Variants in HEPH observed in about 807,000 individuals in gnomAD.
HEPH encodes the protein hephaestin.
Under a neutral mutation model 80.8 loss-of-function variants are expected in HEPH, and 69 were observed. The ratio of observed to expected loss-of-function variants is 0.85; its 90% CI spans 0.70 to 1.04. The LOEUF (loss-of-function observed/expected upper bound fraction) is 1.04. HEPH is among the 50% of genes least tolerant of loss of function. The pLI is 0.00. For synonymous variants in HEPH, 431 were observed against 322.8 expected, an observed-to-expected ratio of 1.34 and a Z score of -3.60; for missense variants, 1,115 against 891.3, an observed-to-expected ratio of 1.25 and a Z score of -3.20.
chrX:66,267,613 G>A (rs1324062691), downstream of HEPH: 3 of 111,450 alleles, frequency 2.7e-5, no homozygotes, highest in East Asian at 8.5e-4. Flanking sequence ...AATTTTCTGA[G>A]TGTCAAGAAA....
At chrX:66,230,356 C>G (rs1445310980) in intron 15 of HEPH, among the ~76,000 whole-genome samples, 3 of 100,650 alleles carry the variant, frequency 3.0e-5, no homozygotes, top group Non-Finnish European at 5.8e-5. Flanking sequence ...GCCACACTGA[C>G]TTCCACAATG....
chrX:66,264,410 TTTATTCTTG>T (rs2148250740), intron 20 of HEPH, among the ~76,000 whole-genome samples: 1 of 109,248 alleles, frequency 9.2e-6, no homozygotes, highest in Admixed American at 9.9e-5. Context: ...AACAGCTATT[TTTATTCTTG>T]CCTCTTTCCC....
At chrX:66,223,105 G>A (rs2089722247) in intron 15 of HEPH, among the ~76,000 whole-genome samples, 1 of 110,926 alleles carries the variant, frequency 9.0e-6, no homozygotes, top group Admixed American at 9.6e-5. Context: ...GCTGGCTAGA[G>A]TTTTTCTTCT....
At chrX:66,212,182 ATG>A (rs1232201708) in intron 15 of HEPH, among the ~76,000 whole-genome samples, 1 of 74,368 alleles carries the variant, frequency 1.3e-5, no homozygotes, top group Non-Finnish European at 2.3e-5. Flanking sequence ...CCACTTTTTA[ATG>A]TGTTTTTTTT....
intron 15 of HEPH, among the ~76,000 whole-genome samples, chrX:66,236,726 A>T (rs1406359859): frequency 9.0e-6 from 1 of 111,128 alleles, no homozygotes; most frequent in Non-Finnish European, 1.9e-5. Flanking sequence ...TTGGGTTGTG[A>T]ATCTGTCTGG....
In HEPH at chrX:66,192,268, G is replaced by A; in HGVS notation, c.1202G>A (p.Ser401Asn). 2 of 1,209,784 alleles carry A rather than the reference G, an allele frequency of 1.7e-6. No homozygotes were observed. Among genetic ancestry groups the A allele is most frequent in the Non-Finnish European group, 2.2e-6 (2 of 894,172 alleles). Residue 401 changes from serine (S) to asparagine (N), a missense_variant, in exon 7 of 21, where the codon AGT becomes AAT. This residue lies in a region of HEPH where 391 missense variants were observed against 343.6 expected (regional missense o/e 1.14). Transcript: ENST00000343002. Reference sequence around the variant, plus strand: ...TATGGCCCGATGGGGCATGATGGGAGTACTGGGAAGAATTTGAGAGAGCCA... The same window carrying A: ...TATGGCCCGATGGGGCATGATGGGAATACTGGGAAGAATTTGAGAGAGCCA... ...WDYGPMGHDG[S>N]TGKNLREPGS...
intron 9 of HEPH, 100 bp from the exon 10 acceptor site, chrX:66,197,583 C>T (rs959269826): frequency 1.5e-6 from 1 of 681,845 alleles, no homozygotes; most frequent in Non-Finnish European, 2.3e-6. Flanking sequence ...TACTGCTGCT[C>T]CAAAATGCCT....
chrX:66,250,119 A>G (rs1376543919), intron 15 of HEPH, among the ~76,000 whole-genome samples: 1 of 111,359 alleles, frequency 9.0e-6, no homozygotes, highest in Non-Finnish European at 1.9e-5. Context: ...GTAATTCTAC[A>G]TGGTTTTTTT....
intron 15 of HEPH, among the ~76,000 whole-genome samples, chrX:66,218,743 C>T (rs1569351418): frequency 9.0e-6 from 1 of 110,745 alleles, no homozygotes; most frequent in Non-Finnish European, 1.9e-5. Flanking sequence ...ATTGAGCAAG[C>T]AGGGGGTACG....
At chrX:66,249,699 G>A (rs2090938981) in intron 15 of HEPH, among the ~76,000 whole-genome samples, 1 of 111,896 alleles carries the variant, frequency 8.9e-6, no homozygotes, top group Non-Finnish European at 1.9e-5. Flanking sequence ...CCCAACTTTA[G>A]TGGACATGAC....
Position 66,193,567 on chromosome X carries a change from A to G in HEPH, c.1298A>G (p.Tyr433Cys). The change falls in exon 8 of 21, where the codon TAT (tyrosine) becomes TGT (cysteine). Residue 433 changes from tyrosine (Y) to cysteine (C), a missense_variant. Tyr to Cys is a radical substitution (Grantham distance 194, BLOSUM62 -2). Transcript: ENST00000343002. Reference protein sequence around the residue: ...RIGGTYWKVRYEAFQDETFQE... With the variant: ...RIGGTYWKVRCEAFQDETFQE... Reference sequence around the variant, plus strand: ...GGGGGCACTTACTGGAAAGTGCGATATGAAGCCTTTCAAGATGAGACATTC... The same window carrying G: ...GGGGGCACTTACTGGAAAGTGCGATGTGAAGCCTTTCAAGATGAGACATTC... 8.4e-7 allele frequency: 1 copy of G among 1,196,047 alleles called. No individual in the cohort carries two copies.
At chrX:66,245,464 A>G (rs2090767482) in intron 15 of HEPH, among the ~76,000 whole-genome samples, 2 of 111,658 alleles carry the variant, frequency 1.8e-5, no homozygotes, top group Non-Finnish European at 3.8e-5. Context: ...ATACAGGAGC[A>G]CCCAGATTCA....
intron 20 of HEPH, 68 bp from the exon 21 acceptor site, chrX:66,266,372 A>G: frequency 1.2e-6 from 1 of 837,804 alleles, no homozygotes; most frequent in Admixed American, 2.6e-5. Context: ...TCAGGTGATG[A>G]CTATAGATAG....
chrX:66,209,082 G>A (rs752353810), intron 15 of HEPH, among the ~76,000 whole-genome samples: 1 of 111,701 alleles, frequency 9.0e-6, no homozygotes, highest in Non-Finnish European at 1.9e-5. Flanking sequence ...AGAATCTATC[G>A]ATGCAGTAGT....
At chrX:66,247,635 A>G (rs1211770322) in intron 15 of HEPH, among the ~76,000 whole-genome samples, 1 of 111,712 alleles carries the variant, frequency 9.0e-6, no homozygotes, top group Non-Finnish European at 1.9e-5. Context: ...ATAAGTAATT[A>G]CATCAGTGAT....
intron 15 of HEPH, among the ~76,000 whole-genome samples, chrX:66,224,461 A>G (rs2089793135): frequency 8.9e-6 from 1 of 111,964 alleles, no homozygotes; most frequent in Admixed American, 9.4e-5. Flanking sequence ...GGGTTAAGGG[A>G]ATTTTCAGTG....
At chrX:66,236,727 A>G (rs2090374786) in intron 15 of HEPH, among the ~76,000 whole-genome samples, 1 of 111,180 alleles carries the variant, frequency 9.0e-6, no homozygotes, top group Admixed American at 9.6e-5. Context: ...TGGGTTGTGA[A>G]TCTGTCTGGT....
chrX:66,237,330 C>T (rs765741385), intron 15 of HEPH, among the ~76,000 whole-genome samples: 6 of 111,412 alleles, frequency 5.4e-5, no homozygotes, highest in Non-Finnish European at 9.4e-5. Flanking sequence ...TAATGCTGCA[C>T]CTTTGTTCTC....
At chrX:66,248,966 A>G (rs1439221822) in intron 15 of HEPH, among the ~76,000 whole-genome samples, 1 of 111,757 alleles carries the variant, frequency 8.9e-6, no homozygotes, top group Non-Finnish European at 1.9e-5. Flanking sequence ...TATCTAAGTA[A>G]AGGCCATCAG....
Sources: gnomAD v4.1 joint callset for allele counts (sites outside exome capture counted in the v4.1 genomes callset) on GRCh38, gnomAD v4.1.1 for gene constraint, gnomAD v4.1.1 regional missense constraint, MANE v1.5 for transcripts, NCBI Gene and HGNC (gene_info 2026-07-23, HGNC 2026-07-21) for gene names.